The following TUBB1 variants were observed in gnomAD, a reference collection of about 807,000 sequenced individuals.
The protein encoded by TUBB1 is tubulin beta-1 chain.
TUBB1 carries 28 observed loss-of-function variants against 22.6 expected under a neutral mutation model. The ratio of observed to expected loss-of-function variants is 1.24; its 90% CI spans 0.92 to 1.70. TUBB1 has a LOEUF of 1.70. Ranked by LOEUF, TUBB1 falls within the 40% of genes most tolerant of loss-of-function variation. TUBB1 has a pLI of 0.00. For synonymous variants in TUBB1, 226 were observed against 238.0 expected (o/e 0.95, Z 0.46); for missense variants, 577 against 605.5 (o/e 0.95, Z 0.49).
chr20:59,025,059 G>T lies in TUBB1; in HGVS notation c.*276G>T. On this transcript the variant is annotated 3_prime_UTR_variant, in exon 4 of 4. Transcript: ENST00000217133. ...AAATTTATTGTAAAGTGCTCCCTTT[G>T]TTTCAAAGTGTTTGCCAGGCATCCA... 1 of 459,628 alleles carries T rather than the reference G, an allele frequency of 2.2e-6. No homozygotes were observed. Among genetic ancestry groups the T allele is most frequent in the Non-Finnish European group, 4.0e-6 (1 of 248,956 alleles). The allele number at this position is 459,628 out of a possible 1,614,324, so 28.5% of individuals were successfully genotyped here. A position where few individuals can be genotyped will look rare whatever the true frequency, so the allele number is the denominator to read the frequency against.
chr20:59,023,029 G>T, intron 2 of TUBB1, 76 bp downstream of exon 2: 1 of 1,321,288 alleles, frequency 7.6e-7, no homozygotes, highest in Non-Finnish European at 1.1e-6. Context: ...AGGCCCAGGA[G>T]ATGGAAATGT....
rs1055553414 is a variant in TUBB1, at chr20:59,023,783, T to C, written c.356T>C (p.Val119Ala). The stretch of plus-strand genomic sequence containing the variant: ...GAGCTGATCGAGAATGTCCTAGAGG[T>C]GGTGAGGCACGAGAGTGAGAGCTGT... ...GAELIENVLE[V>A]VRHESESCDC... Residue 119 changes from valine (V) to alanine (A), a missense_variant, in exon 4 of 4, where the codon GTG becomes GCG. By Grantham distance (64) the Val-to-Ala change is moderately conservative. Coordinates refer to ENST00000217133, the MANE Select transcript of TUBB1 (RefSeq NM_030773.4). The C allele has an allele frequency of 1.2e-6, 2 of 1,613,858 alleles. No homozygotes were observed. The highest frequency in any genetic ancestry group is 2.7e-5 in the African/African-American group (2 of 74,840).
In TUBB1 at chr20:59,023,720, G is replaced by A. The variant is rs1466816964; in HGVS notation, c.293G>A (p.Gly98Asp). The A allele has an allele frequency of 9.3e-6, 15 of 1,614,024 alleles. No individual in the cohort carries two copies. Among genetic ancestry groups the A allele is most frequent in the African/African-American group, 8.0e-5 (6 of 74,904 alleles). ...TTGGCCACAGGTAACTCTGGGGCTGGCAACAACTGGGCCAAAGGCCACTAC... is the reference window on the plus strand; with the variant it reads ...TTGGCCACAGGTAACTCTGGGGCTGACAACAACTGGGCCAAAGGCCACTAC... ...DSFVHGNSGA[G>D]NNWAKGHYTE... Residue 98 changes from glycine to aspartate, a missense_variant, in exon 4 of 4, where the codon GGC (glycine) becomes GAC (aspartate). By Grantham distance (94) the Gly-to-Asp change is moderately conservative (BLOSUM62 -1). Coordinates refer to ENST00000217133, the MANE Select transcript of TUBB1 (RefSeq NM_030773.4).
upstream of TUBB1, among the ~76,000 whole-genome samples, chr20:59,018,466 G>A (rs2091953921): frequency 6.6e-6 from 1 of 151,718 alleles, no homozygotes; most frequent in Non-Finnish European, 1.5e-5. Context: ...GGAGTGCAGT[G>A]GCATGATCTC....
In TUBB1 at chr20:59,023,708, A is replaced by C. The variant is rs763905793; in HGVS notation, c.281A>C (p.Asn94Thr). 6.2e-6 allele frequency: 10 copies of C among 1,613,914 alleles called. No individual in the cohort carries two copies. The highest frequency in any genetic ancestry group is 7.6e-6 in the Non-Finnish European group (9 of 1,179,986). Residue 94 changes from asparagine to threonine, a missense_variant, in exon 4 of 4, where the codon AAC becomes ACC. Coordinates refer to ENST00000217133, the MANE Select transcript of TUBB1 (RefSeq NM_030773.4). ...LFQPDSFVHG[N>T]SGAGNNWAKG... The stretch of plus-strand genomic sequence containing the variant: ...TGGTTTCTCTTTTTGGCCACAGGTA[A>C]CTCTGGGGCTGGCAACAACTGGGCC...
intron 1 of TUBB1, among the ~76,000 whole-genome samples, chr20:59,020,685 AAAT>A (rs2091963242): frequency 6.6e-6 from 1 of 152,212 alleles, no homozygotes; most frequent in East Asian, 1.9e-4. Flanking sequence ...ATTTAATTGA[AAAT>A]AAAAGTTTTT....
rs1173206295 is a variant in TUBB1 at position 59,024,690 on chromosome 20, G to A, written c.1263G>A (p.Glu421=). The A allele has an allele frequency of 6.2e-7, 1 of 1,614,142 alleles. No individual in the cohort carries two copies. ...AENNIHDLVS[E]YQQFQDAKAV... The stretch of plus-strand genomic sequence containing the variant: ...ATAACATCCATGATTTGGTATCCGA[G>A]TACCAACAATTTCAAGATGCCAAAG... The change falls in exon 4 of 4, where the codon GAG becomes GAA. Residue 421 remains glutamate, a synonymous_variant. Coordinates refer to ENST00000217133, the MANE Select transcript of TUBB1 (RefSeq NM_030773.4). The surrounding 1 kb of genome is among the most constrained non-coding windows in gnomAD (Gnocchi z 4.9).
Position 59,020,633 on chromosome 20 carries a change from AT to A in TUBB1, c.57+1055del, listed in dbSNP as rs541326928. Reference sequence around the variant, plus strand: ...ATGTTTATTGTAACGCTTAAAAAAAATCAATTACTGTTTTATTAGTATGCAA... The same window carrying A: ...ATGTTTATTGTAACGCTTAAAAAAAACAATTACTGTTTTATTAGTATGCAA... On this transcript the variant is annotated intron_variant, in intron 1 of 3. Transcript: ENST00000217133. Among the ~76,000 whole-genome samples the A allele has an allele frequency of 2.3e-3, 354 of 152,358 alleles. 2 individuals carry two copies. Among genetic ancestry groups the A allele is most frequent in the African/African-American group, 8.2e-3 (341 of 41,572 alleles).
rs186106638 is a variant in TUBB1, at chr20:59,024,009, G to T, written c.582G>T (p.Glu194Asp). Residue 194 changes from glutamate to aspartate, a missense_variant, in exon 4 of 4, where the codon GAG becomes GAT. By Grantham distance (45) the Glu-to-Asp change is conservative. Coordinates refer to ENST00000217133, the MANE Select transcript of TUBB1 (RefSeq NM_030773.4). The surrounding 1 kb of genome is among the most constrained non-coding windows in gnomAD (Gnocchi z 4.9). ...NAVLSIHQLI[E>D]NADACFCIDN... Reference sequence around the variant, plus strand: ...TTCTGTCTATCCACCAGCTGATTGAGAATGCAGATGCCTGTTTCTGCATTG... The same window carrying T: ...TTCTGTCTATCCACCAGCTGATTGATAATGCAGATGCCTGTTTCTGCATTG... The T allele has an allele frequency of 4.7e-5, 76 of 1,614,220 alleles. No individual in the cohort carries two copies. The East Asian group carries it at 1.7e-3, about 35-fold the overall frequency.
At chr20:59,022,198 G>A (rs1479123304) in intron 1 of TUBB1, among the ~76,000 whole-genome samples, 1 of 151,702 alleles carries the variant, frequency 6.6e-6, no homozygotes, top group Admixed American at 6.6e-5. Context: ...AGTTGGGCGT[G>A]GTGGTGCGTG....
chr20:59,020,509 T>G (rs2091962766), intron 1 of TUBB1, among the ~76,000 whole-genome samples: 1 of 152,202 alleles, frequency 6.6e-6, no homozygotes, highest in African/African-American at 2.4e-5. Flanking sequence ...AATGAACTTT[T>G]CATATCTAAA....
Position 59,024,543 on chromosome 20 carries a change from G to C in TUBB1, c.1116G>C (p.Thr372=). The C allele has an allele frequency of 6.2e-7, 1 of 1,614,168 alleles. No homozygotes were observed. Among genetic ancestry groups the C allele is most frequent in the Non-Finnish European group, 8.5e-7 (1 of 1,180,044 alleles). Residue 372 remains threonine (T), a synonymous_variant, in exon 4 of 4, where the codon ACG becomes ACC. Transcript: ENST00000217133. This position sits in a 1 kb window ranked among gnomAD's most constrained non-coding sequence, Gnocchi z 4.9. ...SMAATFIGNN[T]AIQEIFNRVS... The stretch of plus-strand genomic sequence containing the variant: ...CCGCCACCTTCATTGGCAACAACAC[G>C]GCCATCCAAGAGATCTTTAATAGGG...
In TUBB1 at chr20:59,023,874, T is replaced by C; in HGVS notation, c.447T>C (p.Thr149=). 6 of 1,614,114 alleles carry C rather than the reference T, an allele frequency of 3.7e-6. No homozygotes were observed. The South Asian group carries it at 5.5e-5, about 15-fold the overall frequency. ...LGGGTGSGMG[T]LLMNKIREEY... is the part of the protein sequence containing the mutation. ...GGGGCACAGGCTCCGGGATGGGCAC[T>C]CTGCTCATGAACAAGATTAGAGAGG... is the stretch of plus-strand genomic sequence containing the variant. Residue 149 remains threonine (T), a synonymous_variant, in exon 4 of 4, where the codon ACT becomes ACC. Coordinates refer to ENST00000217133, the MANE Select transcript of TUBB1 (RefSeq NM_030773.4).
At chr20:59,022,032 A>C (rs200453241) in intron 1 of TUBB1, among the ~76,000 whole-genome samples, 1 of 128,164 alleles carries the variant, frequency 7.8e-6, no homozygotes, top group Non-Finnish European at 1.8e-5. Context: ...AACAAACATA[A>C]AAAAATAAAA....
chr20:59,024,717 A>G lies in TUBB1; in HGVS notation c.1290A>G (p.Ala430=). 6.2e-7 allele frequency: 1 copy of G among 1,614,190 alleles called. No homozygotes were observed. The highest frequency in any genetic ancestry group is 1.7e-5 in the Admixed American group (1 of 60,026). The change falls in exon 4 of 4, where the codon GCA becomes GCG. Residue 430 remains alanine, a synonymous_variant. Coordinates refer to ENST00000217133, the MANE Select transcript of TUBB1 (RefSeq NM_030773.4). The surrounding 1 kb of genome is among the most constrained non-coding windows in gnomAD (Gnocchi z 4.9). ...SEYQQFQDAK[A]VLEEDEEVTE... is the part of the protein sequence containing the mutation. ...ACCAACAATTTCAAGATGCCAAAGC[A>G]GTTCTAGAGGAAGATGAAGAGGTCA...
chr20:59,023,869 G>A lies in TUBB1; in HGVS notation c.442G>A (p.Gly148Ser). ...GGGCGGGGGCACAGGCTCCGGGATG[G>A]GCACTCTGCTCATGAACAAGATTAG... Reference protein sequence around the residue: ...SLGGGTGSGMGTLLMNKIREE... With the variant: ...SLGGGTGSGMSTLLMNKIREE... Residue 148 changes from glycine (G) to serine (S), a missense_variant, in exon 4 of 4, where the codon GGC becomes AGC. By Grantham distance (56) the Gly-to-Ser change is moderately conservative (BLOSUM62 0). Coordinates refer to ENST00000217133, the MANE Select transcript of TUBB1 (RefSeq NM_030773.4). The A allele has an allele frequency of 6.2e-7, 1 of 1,614,108 alleles. No individual in the cohort carries two copies. The highest frequency in any genetic ancestry group is 8.5e-7 in the Non-Finnish European group (1 of 1,179,982).
rs1470746721 is a variant in TUBB1 at position 59,019,809 on chromosome 20, GTTAAT to G, written c.57+237_57+241del. 5.9e-5 allele frequency among the ~76,000 whole-genome samples: 9 copies of G among 152,310 alleles called. 1 individual carries two copies. The highest frequency in any genetic ancestry group is 2.1e-4 in the South Asian group (1 of 4,828). On this transcript the variant is annotated intron_variant, in intron 1 of 3. Transcript: ENST00000217133. ...ACAACACACATTAAGTGCTTAGAGT[GTTAAT>G]TTAATTAATGTTAATTTTATCCATA... is the stretch of plus-strand genomic sequence containing the variant.
intron 1 of TUBB1, 29 bp downstream of exon 1, chr20:59,019,608 C>A: frequency 1.9e-6 from 3 of 1,612,924 alleles, no homozygotes; most frequent in Non-Finnish European, 2.5e-6. Flanking sequence ...CTAATCCTAG[C>A]TTTACCACAG....
In TUBB1 at chr20:59,023,539, GAT is replaced by G. The variant is rs2091977806; in HGVS notation, c.217_218del (p.Met73GlyfsTer6). 1 of 1,614,012 alleles carries G rather than the reference GAT, an allele frequency of 6.2e-7. No individual in the cohort carries two copies. Among genetic ancestry groups the G allele is most frequent in the African/African-American group, 1.3e-5 (1 of 74,898 alleles). On this transcript the variant is annotated frameshift_variant, in exon 3 of 4. Coordinates refer to ENST00000217133, the MANE Select transcript of TUBB1 (RefSeq NM_030773.4). LOFTEE classifies it high-confidence loss of function. Reference sequence around the variant, plus strand: ...TCTTGGTGGACCTAGAACCTGGGACGATGGACAGCATTCGATCTAGCAAATTA... The same window carrying G: ...TCTTGGTGGACCTAGAACCTGGGACGGGACAGCATTCGATCTAGCAAATTA... ...AVLVDLEPGTMDSIRSSKLGA... is the reference protein window; with the variant it reads ...AVLVDLEPGTXDSIRSSKLGA...
Sources: allele counts gnomAD v4.1 joint callset (sites outside exome capture counted in the v4.1 genomes callset), GRCh38; gene constraint gnomAD v4.1.1; non-coding constraint Gnocchi (gnomAD v3.1); transcripts MANE v1.5; gene names NCBI Gene and HGNC (gene_info 2026-07-23, HGNC 2026-07-21).